AHNAK: variants seen among roughly 807,000 people sequenced by gnomAD.
The protein encoded by AHNAK is AHNAK nucleoprotein.
In AHNAK, 23 loss-of-function variants were observed where a neutral mutation model predicts 37.8. The ratio of observed to expected loss-of-function variants is 0.61; its 90% CI spans 0.44 to 0.86. The LOEUF is 0.86. AHNAK is among the 40% of genes least tolerant of loss of function. The pLI is 0.00. For missense variants in AHNAK, 7,411 were observed against 7,319.4 expected, an observed-to-expected ratio of 1.01 and a Z score of -0.46; for synonymous variants, 2,481 against 2,636.3, an observed-to-expected ratio of 0.94 and a Z score of 1.80.
Position 62,523,031 on chromosome 11 carries a change from G to C in AHNAK, c.11386C>G (p.Gln3796Glu), listed in dbSNP as rs781200100. 2.9e-5 allele frequency: 47 copies of C among 1,613,938 alleles called. No homozygotes were observed. Among genetic ancestry groups the C allele is most frequent in the Non-Finnish European group, 3.8e-5 (45 of 1,180,014 alleles). ...ATCTTCAGGTGCCAGTCTGGGCCTTGAACATCAACATCTGGAGCATTAATG... is the reference window on the plus strand; with the variant it reads ...ATCTTCAGGTGCCAGTCTGGGCCTTCAACATCAACATCTGGAGCATTAATG... ...VDINAPDVDV[Q>E]GPDWHLKMPK... The change falls in exon 5 of 5, where the codon CAA becomes GAA. Residue 3796 changes from glutamine to glutamate, a missense_variant. By Grantham distance (29) the Gln-to-Glu change is conservative. Coordinates refer to ENST00000378024, the MANE Select transcript of AHNAK (RefSeq NM_001620.3).
rs919188175 is a variant in AHNAK at position 62,527,423 on chromosome 11, C to T, written c.6994G>A (p.Val2332Ile). 1.2e-6 allele frequency: 2 copies of T among 1,614,072 alleles called. No individual in the cohort carries two copies. Among genetic ancestry groups the T allele is most frequent in the South Asian group, 2.2e-5 (2 of 91,092 alleles). Residue 2332 changes from valine to isoleucine, a missense_variant, in exon 5 of 5, where the codon GTT (valine) becomes ATT (isoleucine). Val to Ile is a conservative substitution (Grantham distance 29). Coordinates refer to ENST00000378024, the MANE Select transcript of AHNAK (RefSeq NM_001620.3). ...TCTCCCTCCAGCTTTGGGGCAGAAA[C>T]ATCAACATCTCCTTTGATTTTGGGT... Reference protein sequence around the residue: ...KGPKIKGDVDVSAPKLEGELK... With the variant: ...KGPKIKGDVDISAPKLEGELK...
intron 5 of AHNAK, among the ~76,000 whole-genome samples, chr11:62,435,054 C>T (rs1182701183): frequency 6.6e-6 from 1 of 152,016 alleles, no homozygotes; most frequent in Non-Finnish European, 1.5e-5. Context: ...CCAAAATCAC[C>T]TGCTCACCCT....
In AHNAK at chr11:62,532,926, T is replaced by C; in HGVS notation, c.1491A>G (p.Lys497=). The C allele has an allele frequency of 6.2e-7, 1 of 1,614,078 alleles. No homozygotes were observed. The highest frequency in any genetic ancestry group is 8.5e-7 in the Non-Finnish European group (1 of 1,179,998). The change falls in exon 5 of 5, where the codon AAA becomes AAG. Residue 497 remains lysine, a synonymous_variant. Transcript: ENST00000378024. The part of the protein sequence containing the change: ...KVKTPEMIIQ[K]PKISMQDVDL... Reference sequence around the variant, plus strand: ...CCACATCCTGCATGGAGATTTTAGGTTTCTGAATAATCATTTCAGGAGTCT... The same window carrying C: ...CCACATCCTGCATGGAGATTTTAGGCTTCTGAATAATCATTTCAGGAGTCT...
At chr11:62,484,416 G>A (rs929692375) in intron 5 of AHNAK, among the ~76,000 whole-genome samples, 1 of 152,104 alleles carries the variant, frequency 6.6e-6, no homozygotes, top group Non-Finnish European at 1.5e-5. Flanking sequence ...TAACAAGAGA[G>A]ACGCCATAGG....
At chr11:62,543,996 CAAGTTCTA>C (rs1338242049) in intron 1 of AHNAK, among the ~76,000 whole-genome samples, 2 of 152,120 alleles carry the variant, frequency 1.3e-5, no homozygotes, top group African/African-American at 2.4e-5. Context: ...AGGCAGTTCC[CAAGTTCTA>C]AAGAAGGTGG....
rs374490372 is a variant in AHNAK at position 62,492,118 on chromosome 11, C to T, written c.343-287G>A. 6.9e-4 allele frequency among the ~76,000 whole-genome samples: 105 copies of T among 152,230 alleles called. No individual in the cohort carries two copies. The Middle Eastern group carries it at 0.01, about 15-fold the overall frequency. On this transcript the variant is annotated intron_variant, in intron 4 of 5. Coordinates refer to the AHNAK transcript ENST00000257247. ...GGGGACAATGCTATCTCCGGTTCAT[C>T]CACCCACCAGACCCAGTCATTCTCC...
chr11:62,505,343 T>C (rs1191154230), intron 4 of AHNAK, among the ~76,000 whole-genome samples: 1 of 152,116 alleles, frequency 6.6e-6, no homozygotes, highest in Non-Finnish European at 1.5e-5. Context: ...GCCTGGCGAT[T>C]GACAGTTCGG....
At chr11:62,450,669 C>T (rs1322517329) in intron 5 of AHNAK, among the ~76,000 whole-genome samples, 2 of 152,238 alleles carry the variant, frequency 1.3e-5, no homozygotes, top group African/African-American at 4.8e-5. Flanking sequence ...GCCTCTGCTC[C>T]CACCGTCTCC....
At chr11:62,505,078 G>A (rs938954582) in intron 4 of AHNAK, among the ~76,000 whole-genome samples, 1 of 152,162 alleles carries the variant, frequency 6.6e-6, no homozygotes, top group South Asian at 2.1e-4. Flanking sequence ...GGGAAAGCGC[G>A]CAATGAAAGG....
In AHNAK at chr11:62,440,256, C is replaced by T. The variant is rs952714499; in HGVS notation, c.443-6365G>A. 1.1e-4 allele frequency among the ~76,000 whole-genome samples: 16 copies of T among 152,136 alleles called. No homozygotes were observed. In the East Asian group the frequency reaches 2.1e-3, roughly 20 times the overall value. ...GATCTAGTGCAACCCCCTCATTTTA[C>T]GATGAGGAAACGACACTGAGAGGGG... On this transcript the variant is annotated intron_variant, in intron 5 of 5. Coordinates refer to the AHNAK transcript ENST00000257247.
At position 62,489,227 on chromosome 11, in the gene AHNAK, T is replaced by G. The variant is rs181166927; in HGVS notation, c.442+2505A>C. Among the ~76,000 whole-genome samples the G allele has an allele frequency of 1.0e-4, 14 of 137,864 alleles. No homozygotes were observed. The East Asian group carries it at 1.9e-3, about 19-fold the overall frequency. The allele number at this position is 137,864 out of a possible 152,430, so 90.4% of individuals were successfully genotyped here. A position where few individuals can be genotyped will look rare whatever the true frequency, so the allele number is the denominator to read the frequency against. On this transcript the variant is annotated intron_variant, in intron 5 of 5. Coordinates refer to the AHNAK transcript ENST00000257247. The stretch of plus-strand genomic sequence containing the variant: ...CTGCATTCCAGCCTGGGTCACAGAG[T>G]GAGACTCCATCTCAAAAAAAAAAAA...
At chr11:62,534,372 C>G (rs904272841) in intron 4 of AHNAK, among the ~76,000 whole-genome samples, 82 of 152,202 alleles carry the variant, frequency 5.4e-4, no homozygotes, top group African/African-American at 1.9e-3. Context: ...AGATTCAAAT[C>G]AGCCTGTGCC....
chr11:62,466,268 C>T (rs1483207440), intron 5 of AHNAK, among the ~76,000 whole-genome samples: 3 of 151,868 alleles, frequency 2.0e-5, no homozygotes, highest in African/African-American at 4.8e-5. Flanking sequence ...TGCAGTGAGC[C>T]GAGATCACGC....
intron 5 of AHNAK, among the ~76,000 whole-genome samples, chr11:62,469,845 A>G (rs2513044): frequency 0.69 from 105,365 of 152,062 alleles, 38,091 homozygotes; most frequent in African/African-American, 0.91. Flanking sequence ...AAACAGAGAA[A>G]GTAACCTGTG....
chr11:62,531,125 C>A lies in AHNAK; in HGVS notation c.3292G>T (p.Val1098Phe), dbSNP rs79639272. 3,455 of 1,614,152 alleles carry A rather than the reference C, an allele frequency of 2.1e-3. 42 individuals carry two copies. The East Asian group carries it at 0.042, about 19-fold the overall frequency. The change falls in exon 5 of 5, where the codon GTT (valine) becomes TTT (phenylalanine). Residue 1098 changes from valine (V) to phenylalanine (F), a missense_variant. Val to Phe is a conservative substitution (Grantham distance 50). Transcript: ENST00000378024. ...SAPKIEGEMQVPDVDIRGPKV... is the reference protein window; with the variant it reads ...SAPKIEGEMQFPDVDIRGPKV... ...GGACCTCTGATGTCCACATCTGGAA[C>A]CTGCATTTCACCCTCTATCTTTGGT...
intron 5 of AHNAK, among the ~76,000 whole-genome samples, chr11:62,440,379 C>T (rs570127047): frequency 7.2e-5 from 11 of 152,210 alleles, no homozygotes; most frequent in African/African-American, 2.6e-4. Flanking sequence ...TTTCCAATCC[C>T]ACCAAGGAAC....
At chr11:62,461,127 G>A (rs939249546) in intron 5 of AHNAK, among the ~76,000 whole-genome samples, 7 of 137,274 alleles carry the variant, frequency 5.1e-5, no homozygotes, top group Admixed American at 3.0e-4. Flanking sequence ...GGGCCACCAC[G>A]CCCGGCCAAA....
chr11:62,460,703 T>G (rs1296335408), intron 5 of AHNAK, among the ~76,000 whole-genome samples: 1 of 152,150 alleles, frequency 6.6e-6, no homozygotes, highest in Non-Finnish European at 1.5e-5. Flanking sequence ...GATGGTGGAA[T>G]CAACTGCTGA....
In AHNAK at chr11:62,519,832, T is replaced by C; in HGVS notation, c.14585A>G (p.Lys4862Arg). ...AGACACATCAAAATCTCCTTTTACT[T>C]TGGGTCCTTTCAAATCCAGGTCAAC... Reference protein sequence around the residue: ...PDVDLDLKGPKVKGDFDVSVP... With the variant: ...PDVDLDLKGPRVKGDFDVSVP... Residue 4862 changes from lysine to arginine, a missense_variant, in exon 5 of 5, where the codon AAA becomes AGA. Physicochemically the swap from Lys to Arg is conservative, Grantham distance 26. Transcript: ENST00000378024. 1.2e-6 allele frequency: 2 copies of C among 1,614,184 alleles called. No individual in the cohort carries two copies. Among genetic ancestry groups the C allele is most frequent in the South Asian group, 2.2e-5 (2 of 91,086 alleles).
Sources: allele counts gnomAD v4.1 joint callset (sites outside exome capture counted in the v4.1 genomes callset), GRCh38; gene constraint gnomAD v4.1.1; transcripts MANE v1.5; gene names NCBI Gene and HGNC (gene_info 2026-07-23, HGNC 2026-07-21).